PARD6G: variants seen among roughly 807,000 people sequenced by gnomAD.
PARD6G encodes the protein partitioning defective 6 homolog gamma.
A neutral mutation model predicts 10.7 loss-of-function variants in PARD6G; 7 were observed. The observed-to-expected ratio is 0.66, with a 90% confidence interval of 0.37 to 1.23. The LOEUF is 1.23. Among genes scored for constraint, PARD6G ranks in the 50% most tolerant of loss-of-function variants. PARD6G has a pLI of 0.02. For synonymous variants in PARD6G, 287 were observed against 269.4 expected (o/e 1.07, Z -0.64); for missense variants, 548 against 571.8 (o/e 0.96, Z 0.42).
rs1184854902 is a variant in PARD6G at position 80,158,773 on chromosome 18, AG to A, written c.*997del. 2 of 152,042 alleles carry A rather than the reference AG, an allele frequency of 1.3e-5. No homozygotes were observed. The highest frequency in any genetic ancestry group is 1.3e-4 in the Admixed American group (2 of 15,248). 9.4% of individuals were successfully genotyped at this position (152,042 alleles called of 1,614,324 possible). A position where few individuals can be genotyped will look rare whatever the true frequency, so the allele number is the denominator to read the frequency against. On this transcript the variant is annotated 3_prime_UTR_variant, in exon 3 of 3. Transcript: ENST00000353265. ...GGCAGGAGAATTGCTTGAACCCAGGAGGCGGAGGTTGCAGTGAGCTGAGATC... is the reference window on the plus strand; with the variant it reads ...GGCAGGAGAATTGCTTGAACCCAGGAGCGGAGGTTGCAGTGAGCTGAGATC...
At chr18:80,240,718 G>GACTCAGCAC (rs1181693730) in intron 1 of PARD6G, among the ~76,000 whole-genome samples, 1 of 152,192 alleles carries the variant, frequency 6.6e-6, no homozygotes, top group Non-Finnish European at 1.5e-5. Flanking sequence ...TTTCAGGGGA[G>GACTCAGCAC]ACTCAGCACA....
intron 1 of PARD6G, among the ~76,000 whole-genome samples, chr18:80,239,472 CAT>C (rs992791621): frequency 6.6e-6 from 1 of 152,188 alleles, no homozygotes; most frequent in Non-Finnish European, 1.5e-5. Context: ...AAAAAAATCT[CAT>C]AAAGTTTTAG....
In PARD6G at chr18:80,160,229, C is replaced by A. The variant is rs1038231319; in HGVS notation, c.673G>T (p.Ala225Ser). ...GTGACCTGGTCCAGCGTCTTCCCGG[C>A]CACCTCAATGCCGTTCACCTCCAGG... The part of the protein sequence containing the change: ...EVLEVNGIEV[A>S]GKTLDQVTDM... Residue 225 changes from alanine to serine, a missense_variant, in exon 3 of 3, where the codon GCC (alanine) becomes TCC (serine). Transcript: ENST00000353265. 3 of 1,613,002 alleles carry A rather than the reference C, an allele frequency of 1.9e-6. No homozygotes were observed. The highest frequency in any genetic ancestry group is 2.5e-6 in the Non-Finnish European group (3 of 1,179,862).
At chr18:80,195,044 G>GACT (rs112246501) in intron 2 of PARD6G, among the ~76,000 whole-genome samples, 150,879 of 152,244 alleles carry the variant, frequency 0.99, 74,767 homozygotes, top group East Asian at 1. Flanking sequence ...TCCCACCTTG[G>GACT]ACGAATCACT....
intron 2 of PARD6G, among the ~76,000 whole-genome samples, chr18:80,164,647 C>A (rs2052723157): frequency 6.6e-6 from 1 of 152,170 alleles, no homozygotes; most frequent in South Asian, 2.1e-4. Flanking sequence ...ATGGGGGAAC[C>A]TGCCCCCAAT....
intron 1 of PARD6G, among the ~76,000 whole-genome samples, chr18:80,217,851 G>GA (rs143988604): frequency 0.26 from 39,452 of 152,086 alleles, 6,755 homozygotes; most frequent in Non-Finnish European, 0.39. Context: ...GAGGCCTCAG[G>GA]AAACTTACAA....
chr18:80,163,014 G>T (rs1386857450), intron 2 of PARD6G, among the ~76,000 whole-genome samples: 5 of 152,214 alleles, frequency 3.3e-5, no homozygotes, highest in Admixed American at 3.3e-4. Flanking sequence ...GATCCATGGG[G>T]CCGCAGATGG....
intron 1 of PARD6G, among the ~76,000 whole-genome samples, chr18:80,235,742 A>G (rs1967414525): frequency 6.6e-6 from 1 of 152,230 alleles, no homozygotes; most frequent in Non-Finnish European, 1.5e-5. Context: ...CACAAACTAG[A>G]AAATCTAGAA....
Position 80,238,343 on chromosome 18 carries a change from G to A in PARD6G, c.72+8934C>T, listed in dbSNP as rs1267057920. 1.2e-4 allele frequency among the ~76,000 whole-genome samples: 19 copies of A among 152,190 alleles called. No individual in the cohort carries two copies. In the East Asian group the frequency reaches 3.5e-3, roughly 28 times the overall value. ...ACATCACATACTGGGGCCTGTTGTG[G>A]GGTGTGGGGAGGGAGTAGGGATAGC... is the stretch of plus-strand genomic sequence containing the variant. On this transcript the variant is annotated intron_variant, in intron 1 of 2. Transcript: ENST00000353265.
chr18:80,240,676 C>T (rs1967479934), intron 1 of PARD6G, among the ~76,000 whole-genome samples: 1 of 152,174 alleles, frequency 6.6e-6, no homozygotes, highest in Non-Finnish European at 1.5e-5. Flanking sequence ...ACACAGGCAT[C>T]ACTGTTGCCG....
chr18:80,168,652 C>G (rs1176520115), intron 2 of PARD6G, among the ~76,000 whole-genome samples: 4 of 151,120 alleles, frequency 2.6e-5, no homozygotes, highest in Non-Finnish European at 4.4e-5. Flanking sequence ...CAGTCTCGCT[C>G]TGTCACCCAG....
At chr18:80,224,192 A>G (rs1967261747) in intron 1 of PARD6G, among the ~76,000 whole-genome samples, 1 of 152,184 alleles carries the variant, frequency 6.6e-6, no homozygotes, top group Non-Finnish European at 1.5e-5. Context: ...CAACTTCTAT[A>G]CTGAAGGATA....
chr18:80,159,452 T>C lies in PARD6G; in HGVS notation c.*319A>G. The C allele has an allele frequency of 3.7e-6, 1 of 270,060 alleles. No homozygotes were observed. The allele number at this position is 270,060 out of a possible 1,614,324, so 16.7% of individuals were successfully genotyped here. A position where few individuals can be genotyped will look rare whatever the true frequency, so the allele number is the denominator to read the frequency against. ...TAAAAAAGTAATTTTAAAGCTTCAC[T>C]TTAAAAACAAAGTATTTGTAAAAAT... On this transcript the variant is annotated 3_prime_UTR_variant, in exon 3 of 3. Transcript: ENST00000353265.
intron 2 of PARD6G, among the ~76,000 whole-genome samples, chr18:80,165,896 AC>A (rs1375384477): frequency 6.6e-6 from 1 of 152,184 alleles, no homozygotes; most frequent in Non-Finnish European, 1.5e-5. Flanking sequence ...AGCCTGACCA[AC>A]ATGGTGAAAC....
intron 2 of PARD6G, among the ~76,000 whole-genome samples, chr18:80,191,417 G>A (rs548718926): frequency 5.3e-5 from 8 of 152,090 alleles, no homozygotes; most frequent in Admixed American, 2.0e-4. Flanking sequence ...AGAGGAAAAC[G>A]CCACTCAGAT....
In PARD6G at chr18:80,162,601, C is replaced by T. The variant is rs58516124; in HGVS notation, c.296-1995G>A. 2,320 of 169,298 alleles carry T rather than the reference C, an allele frequency of 0.014. 65 individuals carry two copies. The highest frequency in any genetic ancestry group is 0.053 in the African/African-American group (2,187 of 41,602). The allele number at this position is 169,298 out of a possible 1,614,324, so 10.5% of individuals were successfully genotyped here. On this transcript the variant is annotated intron_variant, in intron 2 of 2. Transcript: ENST00000353265. ...TCCTTACTCAGTGACTTCAGGGATA[C>T]AGGTGAGTGGATAAAGTCCCTGCCC...
chr18:80,194,568 G>A (rs1419117648), intron 2 of PARD6G, among the ~76,000 whole-genome samples: 6 of 152,198 alleles, frequency 3.9e-5, no homozygotes, highest in South Asian at 2.1e-4. Flanking sequence ...AAACGTCAAC[G>A]TGCATGAGCT....
chr18:80,170,592 C>T (rs1457778888), intron 2 of PARD6G: 2 of 152,448 alleles, frequency 1.3e-5, no homozygotes, highest in East Asian at 1.9e-4. Context: ...GCCTGCAGGG[C>T]GTGTGCCAGA....
At chr18:80,235,771 G>A (rs1236172380) in intron 1 of PARD6G, among the ~76,000 whole-genome samples, 4 of 152,064 alleles carry the variant, frequency 2.6e-5, no homozygotes, top group Non-Finnish European at 4.4e-5. Flanking sequence ...TAAATTCCTC[G>A]ACACATACAC....
Sources: allele counts gnomAD v4.1 joint callset (sites outside exome capture counted in the v4.1 genomes callset), GRCh38; gene constraint gnomAD v4.1.1; transcripts MANE v1.5; gene names NCBI Gene and HGNC (gene_info 2026-07-23, HGNC 2026-07-21).